DMD: variants seen among roughly 807,000 people sequenced by gnomAD.
DMD encodes the protein mutant dystrophin.
Under a neutral mutation model 330.1 loss-of-function variants are expected in DMD, and 63 were observed. That is an observed-to-expected ratio of 0.19 (90% CI 0.16 to 0.24). The LOEUF (loss-of-function observed/expected upper bound fraction) is 0.24, where lower values mean the gene tolerates loss of function less well. DMD is among the 10% of genes least tolerant of loss of function. The probability of loss-of-function intolerance (pLI) is 1.00; values close to 1 mark genes in which losing one functional copy is unlikely to be tolerated. For missense variants in DMD, 3,344 were observed against 2,684.1 expected, an observed-to-expected ratio of 1.25 and a Z score of -5.43; for synonymous variants, 1,223 against 959.8, an observed-to-expected ratio of 1.27 and a Z score of -5.07.
intron 7 of DMD, among the ~76,000 whole-genome samples, chrX:32,736,210 A>T (rs1212585246): frequency 2.7e-5 from 3 of 111,959 alleles, no homozygotes; most frequent in Non-Finnish European, 3.8e-5. Context: ...TCAAAACCAC[A>T]ATGAGATACC....
At chrX:32,365,363 T>C (rs1286683984) in intron 34 of DMD, among the ~76,000 whole-genome samples, 164 bp from the exon 35 acceptor site, 4 of 111,345 alleles carry the variant, frequency 3.6e-5, no homozygotes, top group Non-Finnish European at 7.5e-5. Context: ...TGAAGCTTCA[T>C]TGTTGGGTAA....
intron 60 of DMD, among the ~76,000 whole-genome samples, chrX:31,401,568 C>G (rs1027415672): frequency 9.0e-6 from 1 of 111,289 alleles, no homozygotes; most frequent in Non-Finnish European, 1.9e-5. Context: ...AACATAGGTA[C>G]TATTCACAGT....
At position 32,211,366 on chromosome X, in the gene DMD, C is replaced by T. The variant is rs751093588; in HGVS notation, c.6438+5550G>A. 3.6e-5 allele frequency among the ~76,000 whole-genome samples: 4 copies of T among 112,017 alleles called. No individual in the cohort carries two copies. The South Asian group carries it at 1.5e-3, about 41-fold the overall frequency. ...TGTAATCCATATTTACTTCTGTATG[C>T]TCAATGACAATGAATAAATTTTTAC... On this transcript the variant is annotated intron_variant, in intron 44 of 78. Transcript: ENST00000357033.
chrX:31,647,893 G>A (rs996354647), intron 54 of DMD, among the ~76,000 whole-genome samples: 3 of 112,042 alleles, frequency 2.7e-5, no homozygotes, highest in African/African-American at 6.5e-5. Flanking sequence ...TTTGAATGGG[G>A]AATTGATTTC....
rs186733210 is a variant in DMD at position 33,148,799 on chromosome X, C to T, written c.31+62483G>A. On this transcript the variant is annotated intron_variant, in intron 1 of 78. Transcript: ENST00000357033. ...TAGATTTACTATGGATCAAGATGAC[C>T]TGCTGAAAAACCTTAACTAGAAATC... Among the ~76,000 whole-genome samples the T allele has an allele frequency of 2.8e-3, 315 of 112,042 alleles. 5 individuals are homozygous for T. In the Admixed American group the frequency reaches 0.029, roughly 10 times the overall value.
intron 1 of DMD, among the ~76,000 whole-genome samples, chrX:33,193,325 C>A (rs950813430): frequency 8.9e-6 from 1 of 111,760 alleles, no homozygotes; most frequent in Non-Finnish European, 1.9e-5. Context: ...GAAAACATTT[C>A]TTCTCTCTTA....
chrX:32,653,784 C>A (rs2060348818), intron 9 of DMD, among the ~76,000 whole-genome samples: 1 of 111,960 alleles, frequency 8.9e-6, no homozygotes, highest in Admixed American at 9.5e-5. Flanking sequence ...TTCTTCCTAT[C>A]CATGAGCATA....
intron 2 of DMD, among the ~76,000 whole-genome samples, chrX:32,870,981 A>AAAAAAAAAAAAAAAAAAAGAAAAAAAAAG: frequency 1.2e-5 from 1 of 82,571 alleles, no homozygotes; most frequent in East Asian, 3.9e-4. Flanking sequence ...AAAAAAAAAA[A>AAAAAAAAAAAAAAAAAAAGAAAAAAAAAG]AAAAAAACCA....
At chrX:32,316,233 T>C (rs1299691957) in intron 41 of DMD, among the ~76,000 whole-genome samples, 1 of 111,307 alleles carries the variant, frequency 9.0e-6, no homozygotes, top group Non-Finnish European at 1.9e-5. Context: ...ACATAATCAA[T>C]AAAAAGGTAT....
At chrX:32,772,642 G>A (rs1256395901) in intron 7 of DMD, among the ~76,000 whole-genome samples, 1 of 111,357 alleles carries the variant, frequency 9.0e-6, no homozygotes, top group Admixed American at 9.5e-5. Context: ...ACGTTTTAAA[G>A]GGACAAAAAT....
At chrX:31,693,485 C>A (rs2083252391) in intron 52 of DMD, among the ~76,000 whole-genome samples, 1 of 111,436 alleles carries the variant, frequency 9.0e-6, no homozygotes, top group African/African-American at 3.3e-5. Context: ...AGTAAAATTG[C>A]CCCTTCTTGC....
intron 22 of DMD, among the ~76,000 whole-genome samples, chrX:32,469,803 C>T (rs949900859): frequency 9.0e-6 from 1 of 111,157 alleles, no homozygotes; most frequent in Non-Finnish European, 1.9e-5. Flanking sequence ...TAGTTTTCCA[C>T]TCCTGTAAAT....
intron 52 of DMD, among the ~76,000 whole-genome samples, chrX:31,697,493 A>G (rs1023231844): frequency 9.0e-6 from 1 of 111,724 alleles, no homozygotes; most frequent in African/African-American, 3.2e-5. Flanking sequence ...GAGACCCAGC[A>G]TGTGTCCTGA....
chrX:31,987,194 T>A (rs1372277718), intron 44 of DMD, among the ~76,000 whole-genome samples: 1 of 112,091 alleles, frequency 8.9e-6, no homozygotes, highest in African/African-American at 3.2e-5. Flanking sequence ...AGACCTTTAT[T>A]TGTATTCATG....
In DMD at chrX:31,178,823, G is replaced by C; in HGVS notation, c.10087-18C>G. The C allele has an allele frequency of 3.3e-6, 4 of 1,208,282 alleles. No individual in the cohort carries two copies. The highest frequency in any genetic ancestry group is 4.5e-6 in the Non-Finnish European group (4 of 892,849). On this transcript the variant is annotated intron_variant, in intron 69 of 78. Coordinates refer to ENST00000357033, the MANE Select transcript of DMD (RefSeq NM_004006.3). The stretch of plus-strand genomic sequence containing the variant: ...GATGTAGTCTAAAAGGGAGATCATG[G>C]TGAGATCAGATTTAGGACAGGATGA...
intron 43 of DMD, among the ~76,000 whole-genome samples, chrX:32,242,520 T>A (rs778874027): frequency 1.8e-5 from 2 of 112,092 alleles, no homozygotes; most frequent in South Asian, 7.3e-4. Context: ...ATGTCTATTT[T>A]TTTTCAATAA....
intron 55 of DMD, among the ~76,000 whole-genome samples, chrX:31,624,681 G>A (rs1448975912): frequency 2.7e-5 from 3 of 111,068 alleles, no homozygotes; most frequent in Non-Finnish European, 1.9e-5. Context: ...CTGTTGCTTT[G>A]GCTAGGCATT....
intron 48 of DMD, among the ~76,000 whole-genome samples, chrX:31,837,987 T>C (rs1019853453): frequency 4.4e-5 from 5 of 112,405 alleles, no homozygotes; most frequent in African/African-American, 1.6e-4. Context: ...TCACTTCCTT[T>C]ATAACAGTAG....
chrX:32,069,897 C>T (rs939229139), intron 44 of DMD, among the ~76,000 whole-genome samples: 2 of 111,746 alleles, frequency 1.8e-5, no homozygotes, highest in Non-Finnish European at 3.8e-5. Flanking sequence ...CCATCAGCAA[C>T]GTGTTGCTAC....
Sources: allele counts gnomAD v4.1 joint callset (sites outside exome capture counted in the v4.1 genomes callset), GRCh38; gene constraint gnomAD v4.1.1; transcripts MANE v1.5; gene names NCBI Gene and HGNC (gene_info 2026-07-23, HGNC 2026-07-21).